Variants in CALCRL observed in about 807,000 individuals in gnomAD.
CALCRL encodes the protein calcitonin gene-related peptide type 1 receptor.
Under a neutral mutation model 60.4 loss-of-function variants are expected in CALCRL, and 27 were observed. That is an observed-to-expected ratio of 0.45 (90% CI 0.33 to 0.62). CALCRL has a LOEUF of 0.62. Ranked by LOEUF, CALCRL falls within the 20% of genes least tolerant of loss-of-function variation. The pLI, the probability that CALCRL is intolerant of heterozygous loss-of-function variation, is 0.03. For synonymous variants in CALCRL, 190 were observed against 182.6 expected, an observed-to-expected ratio of 1.04 and a Z score of -0.33; for missense variants, 424 against 540.7, an observed-to-expected ratio of 0.78 and a Z score of 2.14.
At chr2:187,352,962 G>A (rs1287292853) in intron 12 of CALCRL, among the ~76,000 whole-genome samples, 5 of 151,778 alleles carry the variant, frequency 3.3e-5, no homozygotes, top group Admixed American at 3.3e-4. Flanking sequence ...AAGACTTCCT[G>A]TTAATTACTG....
chr2:187,413,550 C>A (rs1689458997), intron 1 of CALCRL, among the ~76,000 whole-genome samples: 1 of 152,072 alleles, frequency 6.6e-6, no homozygotes, highest in South Asian at 2.1e-4. Context: ...AAAGACAAAC[C>A]TAGGGGAAGA....
At chr2:187,403,357 AG>A (rs770763368) in intron 1 of CALCRL, among the ~76,000 whole-genome samples, 2 of 151,842 alleles carry the variant, frequency 1.3e-5, no homozygotes, top group Non-Finnish European at 2.9e-5. Flanking sequence ...ACCTGAGTGC[AG>A]TTCTCACATC....
intron 12 of CALCRL, among the ~76,000 whole-genome samples, chr2:187,353,562 T>C (rs1686629365): frequency 6.6e-6 from 1 of 151,944 alleles, no homozygotes; most frequent in African/African-American, 2.4e-5. Flanking sequence ...TTCAAAAATA[T>C]ACAGCTCACT....
At chr2:187,364,986 G>GT (rs1423017747) in intron 8 of CALCRL, among the ~76,000 whole-genome samples, 1 of 152,142 alleles carries the variant, frequency 6.6e-6, no homozygotes, top group East Asian at 1.9e-4. Context: ...GCTTGACTTT[G>GT]TAGTGTATAG....
intron 14 of CALCRL, among the ~76,000 whole-genome samples, chr2:187,350,383 G>T (rs927240516): frequency 2.6e-5 from 4 of 151,238 alleles, no homozygotes; most frequent in Non-Finnish European, 5.9e-5. Context: ...AAATCTATTT[G>T]AATTTTACTA....
intron 1 of CALCRL, among the ~76,000 whole-genome samples, chr2:187,427,644 G>T (rs1172200892): frequency 6.6e-6 from 1 of 152,024 alleles, no homozygotes; most frequent in Non-Finnish European, 1.5e-5. Context: ...TCTGATAAAA[G>T]AAATTAAAAA....
intron 8 of CALCRL, among the ~76,000 whole-genome samples, chr2:187,364,182 T>G (rs1252393419): frequency 1.9e-5 from 1 of 52,472 alleles, no homozygotes; most frequent in Non-Finnish European, 5.1e-5. Context: ...GGAGTTCACA[T>G]AGAAGTAGAT....
chr2:187,366,983 A>G (rs1032521133), intron 8 of CALCRL, among the ~76,000 whole-genome samples: 6 of 150,502 alleles, frequency 4.0e-5, no homozygotes, highest in Non-Finnish European at 8.9e-5. Flanking sequence ...TTCTCTTATT[A>G]TGGGATAAAA....
intron 12 of CALCRL, among the ~76,000 whole-genome samples, chr2:187,353,906 G>T (rs540375722): frequency 6.6e-6 from 1 of 151,826 alleles, no homozygotes; most frequent in Non-Finnish European, 1.5e-5. Flanking sequence ...TTCTCCACAT[G>T]GGAAGTCTGA....
At chr2:187,389,135 C>T (rs1241113593) in intron 1 of CALCRL, among the ~76,000 whole-genome samples, 2 of 148,588 alleles carry the variant, frequency 1.3e-5, no homozygotes, top group African/African-American at 2.5e-5. Context: ...TGCAGTGGTA[C>T]GATCTTGGCT....
intron 1 of CALCRL, among the ~76,000 whole-genome samples, chr2:187,434,146 C>T (rs985320533): frequency 1.3e-5 from 2 of 151,988 alleles, no homozygotes; most frequent in Non-Finnish European, 2.9e-5. Flanking sequence ...AGCTAAGATT[C>T]AAGACATTTT....
rs535397565 is a variant in CALCRL, at chr2:187,403,900, G to A, written c.-292-16144C>T. 1.3e-4 allele frequency among the ~76,000 whole-genome samples: 19 copies of A among 151,994 alleles called. No individual in the cohort carries two copies. The South Asian group carries it at 3.1e-3, about 25-fold the overall frequency. ...TTCCAGTGTAAAAGAAGTTGCACAG[G>A]AAGGAGATCCTTGCTGAATTAAGCT... On this transcript the variant is annotated intron_variant, in intron 1 of 14. Transcript: ENST00000392370.
At position 187,342,883 on chromosome 2, in the gene CALCRL, C is replaced by T. The variant is rs13392779; in HGVS notation, c.*3301G>A. ...TTAAACGAAATCTTTGAAACATTTT[C>T]ATTTTATATTTGTGTGAGAGCCATG... On this transcript the variant is annotated 3_prime_UTR_variant, in exon 15 of 15. Coordinates refer to ENST00000392370, the MANE Select transcript of CALCRL (RefSeq NM_005795.6). Among the ~76,000 whole-genome samples, 14,839 of 151,430 alleles carry T rather than the reference C, an allele frequency of 0.098. 1,793 individuals are homozygous for T. Among genetic ancestry groups the T allele is most frequent in the African/African-American group, 0.29 (11,912 of 41,376 alleles).
At chr2:187,422,951 G>A (rs1689948306) in intron 1 of CALCRL, among the ~76,000 whole-genome samples, 2 of 151,996 alleles carry the variant, frequency 1.3e-5, no homozygotes, top group African/African-American at 2.4e-5. Flanking sequence ...TCTACTAGAA[G>A]ATATAAATAT....
intron 1 of CALCRL, among the ~76,000 whole-genome samples, chr2:187,424,138 A>C (rs1209338521): frequency 6.6e-6 from 1 of 152,090 alleles, no homozygotes; most frequent in Non-Finnish European, 1.5e-5. Context: ...AACAGCCTAA[A>C]AAAAATAAGA....
intron 1 of CALCRL, chr2:187,431,254 C>T (rs138098562): frequency 1.3e-5 from 2 of 154,830 alleles, no homozygotes; most frequent in African/African-American, 4.8e-5. Flanking sequence ...CAACATGTTA[C>T]TTTTATTAGG....
intron 9 of CALCRL, among the ~76,000 whole-genome samples, chr2:187,362,793 C>T (rs1024649056): frequency 6.6e-6 from 1 of 152,038 alleles, no homozygotes; most frequent in African/African-American, 2.4e-5. Flanking sequence ...TTTATTGAGA[C>T]TGAACACTGT....
At chr2:187,349,367 G>C (rs921984193) in intron 14 of CALCRL, among the ~76,000 whole-genome samples, 8 of 151,620 alleles carry the variant, frequency 5.3e-5, no homozygotes, top group South Asian at 2.1e-4. Context: ...CAAATATTAA[G>C]CTAAAGGCAG....
rs1449544863 is a variant in CALCRL, at chr2:187,344,872, A to G, written c.*1312T>C. On this transcript the variant is annotated 3_prime_UTR_variant, in exon 15 of 15. Transcript: ENST00000392370. ...GTAGCAGATTGGTATTTATCACAGT[A>G]GTTGTTTAAAATTTCTGGATTAGAA... is the stretch of plus-strand genomic sequence containing the variant. 4 of 151,754 alleles carry G rather than the reference A, an allele frequency of 2.6e-5. No individual in the cohort carries two copies. Among genetic ancestry groups the G allele is most frequent in the Non-Finnish European group, 5.9e-5 (4 of 67,746 alleles). 9.4% of individuals were successfully genotyped at this position (151,754 alleles called of 1,614,324 possible).
Sources: gnomAD v4.1 joint callset for allele counts (sites outside exome capture counted in the v4.1 genomes callset) on GRCh38, gnomAD v4.1.1 for gene constraint, MANE v1.5 for transcripts, NCBI Gene and HGNC (gene_info 2026-07-23, HGNC 2026-07-21) for gene names.